Variants in CARD10 observed in about 807,000 individuals in gnomAD.
The protein encoded by CARD10 is caspase recruitment domain family member 10.
Under a neutral mutation model 114.6 loss-of-function variants are expected in CARD10, and 49 were observed. The observed-to-expected ratio is 0.43, with a 90% CI of 0.34 to 0.54. CARD10 has a LOEUF of 0.54. Ranked by LOEUF, CARD10 falls within the 20% of genes least tolerant of loss-of-function variation. CARD10 has a pLI of 0.03. For synonymous variants in CARD10, 602 were observed against 593.2 expected, an observed-to-expected ratio of 1.01 and a Z score of -0.21; for missense variants, 1,206 against 1,397.2, an observed-to-expected ratio of 0.86 and a Z score of 2.18.
At chr22:37,495,431 A>C in intron 15 of CARD10, 86 bp downstream of exon 15, 1 of 1,021,402 alleles carries the variant, frequency 9.8e-7, no homozygotes, top group Non-Finnish European at 1.5e-6. Flanking sequence ...GTGTCTTCCT[A>C]GGTTGCCAGA....
chr22:37,491,865 C>A lies in CARD10; in HGVS notation c.2754G>T (p.Lys918Asn). Residue 918 changes from lysine to asparagine, a missense_variant and splice_region_variant, in exon 19 of 20, where the codon AAG becomes AAT. Physicochemically the swap from Lys to Asn is moderately conservative, Grantham distance 94. Around this residue, in one of 2 missense-constraint regions of CARD10, gnomAD observed 1,068 missense variants for 1,179.1 expected, o/e 0.91. Coordinates refer to ENST00000251973, the MANE Select transcript of CARD10 (RefSeq NM_014550.4). ...GAGCACCCAGCTCCAGCAGGCAGTG[C>A]TTCTGCTTGGAGGATCGAGGCTACA... Reference protein sequence around the residue: ...IRAIQESVGKKHCLLELGARG... With the variant: ...IRAIQESVGKNHCLLELGARG... 6.2e-7 allele frequency: 1 copy of A among 1,603,360 alleles called. No homozygotes were observed. Among genetic ancestry groups the A allele is most frequent in the Admixed American group, 1.7e-5 (1 of 59,924 alleles).
chr22:37,504,846 C>A, intron 7 of CARD10, 77 bp from the exon 8 acceptor site: 1 of 825,516 alleles, frequency 1.2e-6, no homozygotes. Flanking sequence ...TGAGCACCTG[C>A]CATGTGCCAG....
chr22:37,491,978 C>T (rs1922819538), intron 18 of CARD10, 111 bp from the exon 19 acceptor site: 1 of 725,878 alleles, frequency 1.4e-6, no homozygotes. Flanking sequence ...CAAGTCCTGC[C>T]TCCCCACCCA....
chr22:37,511,754 TCTCAGAGA>T (rs1330912024), intron 3 of CARD10, among the ~76,000 whole-genome samples: 13 of 152,006 alleles, frequency 8.6e-5, no homozygotes, highest in Non-Finnish European at 1.6e-4. Context: ...CTCAACACAC[TCTCAGAGA>T]CTCAGACTTG....
At chr22:37,518,919 G>A (rs1001639665) in intron 1 of CARD10, 47 bp downstream of exon 1, 2 of 1,479,784 alleles carry the variant, frequency 1.4e-6, no homozygotes, top group African/African-American at 1.4e-5. Flanking sequence ...CTGCGCCCCA[G>A]GGCACGGCCG....
intron 15 of CARD10, 36 bp downstream of exon 15, chr22:37,495,481 G>C (rs774339279): frequency 3.8e-6 from 6 of 1,574,798 alleles, no homozygotes; most frequent in South Asian, 2.3e-5. Flanking sequence ...CCCACCCTTG[G>C]GGCCCCCCAC....
rs1328220926 is a variant in CARD10, at chr22:37,516,201, C to T, written c.471G>A (p.Leu157=). 6.3e-7 allele frequency: 1 copy of T among 1,596,786 alleles called. No individual in the cohort carries two copies. The highest frequency in any genetic ancestry group is 8.5e-7 in the Non-Finnish European group (1 of 1,172,784). The change falls in exon 3 of 20, where the codon CTG becomes CTA. Residue 157 remains leucine (L), a synonymous_variant. Coordinates refer to ENST00000251973, the MANE Select transcript of CARD10 (RefSeq NM_014550.4). The part of the protein sequence containing the change: ...RKSQLQREQQ[L]QARGRVLEEE... ...CCTCGAGCACCCGGCCCCGGGCCTG[C>T]AGTTGCTGCTCCCGCTGCAGCTGGC... is the stretch of plus-strand genomic sequence containing the variant.
Position 37,491,388 on chromosome 22 carries a change from A to T in CARD10, c.2870T>A (p.Leu957Gln). ...TEKNVREVRG[L>Q]LGRPGWRDSE... Reference sequence around the variant, plus strand: ...GTCCCGCCAGCCCGGCCGGCCCAGCAGACCCCTGCCGAGAGAAGAGTGAGC... The same window carrying T: ...GTCCCGCCAGCCCGGCCGGCCCAGCTGACCCCTGCCGAGAGAAGAGTGAGC... The change falls in exon 20 of 20, where the codon CTG (leucine) becomes CAG (glutamine). Residue 957 changes from leucine to glutamine, a missense_variant. Coordinates refer to ENST00000251973, the MANE Select transcript of CARD10 (RefSeq NM_014550.4). The T allele has an allele frequency of 6.7e-7, 1 of 1,490,084 alleles. No individual in the cohort carries two copies. The highest frequency in any genetic ancestry group is 8.9e-7 in the Non-Finnish European group (1 of 1,121,190). The allele number at this position is 1,490,084 out of a possible 1,614,324, so 92.3% of individuals were successfully genotyped here. A position where few individuals can be genotyped will look rare whatever the true frequency, so the allele number is the denominator to read the frequency against.
rs1369556821 is a variant in CARD10, at chr22:37,510,251, C to T, written c.870G>A (p.Leu290=). 1.2e-6 allele frequency: 2 copies of T among 1,602,996 alleles called. No homozygotes were observed. The highest frequency in any genetic ancestry group is 2.2e-5 in the South Asian group (2 of 91,072). Residue 290 remains leucine, a synonymous_variant, in exon 4 of 20, where the codon CTG becomes CTA. Transcript: ENST00000251973. ...VSELRAENQR[L]TASLRELQEG... is the part of the protein sequence containing the mutation. Reference sequence around the variant, plus strand: ...CCTGCAACTCCCGCAGTGACGCCGTCAGCCGCTGGTTCTCAGCACGCAGCT... The same window carrying T: ...CCTGCAACTCCCGCAGTGACGCCGTTAGCCGCTGGTTCTCAGCACGCAGCT...
intron 14 of CARD10, 36 bp from the exon 15 acceptor site, chr22:37,495,622 A>G: frequency 6.2e-7 from 1 of 1,612,548 alleles, no homozygotes; most frequent in African/African-American, 1.3e-5. Flanking sequence ...TGTAGAAAGA[A>G]GGAAAGCTCC....
In CARD10 at chr22:37,496,123, C is replaced by A. The variant is rs1324064761; in HGVS notation, c.2060-120G>T. ...CGAGGCCTGAGTTCCCAGGACCCGA[C>A]CTTCACCTTCTTAGAATGACTTAGG... On this transcript the variant is annotated intron_variant, in intron 13 of 19. Transcript: ENST00000251973. The surrounding 1 kb of genome is among the most constrained non-coding windows in gnomAD (Gnocchi z 4.1). The A allele has an allele frequency of 3.9e-5, 50 of 1,276,808 alleles. No homozygotes were observed. Among genetic ancestry groups the A allele is most frequent in the Non-Finnish European group, 5.2e-5 (49 of 935,582 alleles). The allele number at this position is 1,276,808 out of a possible 1,614,324, so 79.1% of individuals were successfully genotyped here. A position where few individuals can be genotyped will look rare whatever the true frequency, so the allele number is the denominator to read the frequency against.
Position 37,491,113 on chromosome 22 carries a change from A to C in CARD10, c.*46T>G. On this transcript the variant is annotated 3_prime_UTR_variant, in exon 20 of 20. Transcript: ENST00000251973. ...AGGGCCCAGCTTCACCATAGACACCAGGGTCCACGCTGGCTTGGGGAGAAG... is the reference window on the plus strand; with the variant it reads ...AGGGCCCAGCTTCACCATAGACACCCGGGTCCACGCTGGCTTGGGGAGAAG... 6.9e-7 allele frequency: 1 copy of C among 1,440,392 alleles called. No individual in the cohort carries two copies. The highest frequency in any genetic ancestry group is 9.5e-7 in the Non-Finnish European group (1 of 1,052,974). 89.2% of individuals were successfully genotyped at this position (1,440,392 alleles called of 1,614,324 possible).
chr22:37,510,711 G>C, intron 3 of CARD10: 1 of 432,780 alleles, frequency 2.3e-6, no homozygotes. Context: ...TGTCTGTCCC[G>C]CACTTCTGAC....
chr22:37,506,165 G>A (rs976606445), intron 7 of CARD10, 27 bp downstream of exon 7: 2 of 1,425,528 alleles, frequency 1.4e-6, no homozygotes, highest in Non-Finnish European at 1.8e-6. Context: ...CTTCCTGCCA[G>A]GACCTCCACA....
intron 6 of CARD10, among the ~76,000 whole-genome samples, chr22:37,506,919 G>A (rs5750446): frequency 0.26 from 40,045 of 152,134 alleles, 5,460 homozygotes; most frequent in Middle Eastern, 0.37. Context: ...GAATCAGAAC[G>A]TCCAGAGAAT....
At position 37,506,329 on chromosome 22, in the gene CARD10, T is replaced by G; in HGVS notation, c.1246A>C (p.Lys416Gln). ...QLQYSQSLIE[K>Q]DQYRKQVRGL... is the part of the protein sequence containing the mutation. ...CGCACCTGCTTGCGGTACTGGTCCTTCTCGATGAGGCTCTGTGAGTACTGC... is the reference window on the plus strand; with the variant it reads ...CGCACCTGCTTGCGGTACTGGTCCTGCTCGATGAGGCTCTGTGAGTACTGC... The change falls in exon 7 of 20, where the codon AAG becomes CAG. Residue 416 changes from lysine to glutamine, a missense_variant. Coordinates refer to ENST00000251973, the MANE Select transcript of CARD10 (RefSeq NM_014550.4). The G allele has an allele frequency of 6.2e-7, 1 of 1,608,228 alleles. No homozygotes were observed. The highest frequency in any genetic ancestry group is 1.1e-5 in the South Asian group (1 of 89,426).
At position 37,502,607 on chromosome 22, in the gene CARD10, G is replaced by A. The variant is rs756286501; in HGVS notation, c.1782C>T (p.Leu594=). 1 of 1,613,774 alleles carries A rather than the reference G, an allele frequency of 6.2e-7. No homozygotes were observed. Among genetic ancestry groups the A allele is most frequent in the Non-Finnish European group, 8.5e-7 (1 of 1,179,872 alleles). Reference sequence around the variant, plus strand: ...ACTGCAGGCAGCTACAGTACCTGTTGAGGAAGTCCAGGCCACAGCCCCGAG... The same window carrying A: ...ACTGCAGGCAGCTACAGTACCTGTTAAGGAAGTCCAGGCCACAGCCCCGAG... ...LLARGCGLDF[L]NRSLAIRVSG... is the part of the protein sequence containing the mutation. Residue 594 remains leucine, a synonymous_variant, in exon 11 of 20, where the codon CTC becomes CTT. Coordinates refer to ENST00000251973, the MANE Select transcript of CARD10 (RefSeq NM_014550.4).
chr22:37,509,693 A>AC (rs964001897), intron 4 of CARD10, among the ~76,000 whole-genome samples: 4 of 114,428 alleles, frequency 3.5e-5, no homozygotes, highest in Admixed American at 9.0e-5. Flanking sequence ...GGCCCTCCTG[A>AC]CCCCCCCTCA....
intron 8 of CARD10, 126 bp from the exon 9 acceptor site, chr22:37,504,427 A>G: frequency 2.8e-6 from 3 of 1,066,682 alleles, no homozygotes; most frequent in Non-Finnish European, 4.0e-6. Flanking sequence ...CGGGCTCTGC[A>G]AGATTATAGT....
Sources: allele counts gnomAD v4.1 joint callset (sites outside exome capture counted in the v4.1 genomes callset), GRCh38; gene constraint gnomAD v4.1.1; regional missense constraint gnomAD v4.1.1; non-coding constraint Gnocchi (gnomAD v3.1); transcripts MANE v1.5; gene names NCBI Gene and HGNC (gene_info 2026-07-23, HGNC 2026-07-21).